Variants in EPHX2 observed in about 807,000 individuals in gnomAD.
EPHX2 encodes the protein epoxide hydrolase 2, also known as bifunctional epoxide hydrolase 2.
In EPHX2, 74 loss-of-function variants were observed where a neutral mutation model predicts 78.7. That is an observed-to-expected ratio of 0.94 (90% CI 0.78 to 1.14). The LOEUF (loss-of-function observed/expected upper bound fraction) is 1.14, where lower values mean the gene tolerates loss of function less well. Among genes scored for constraint, EPHX2 ranks in the 50% most tolerant of loss-of-function variants. The pLI is 0.00. For synonymous variants in EPHX2, 251 were observed against 255.2 expected (o/e 0.98, Z 0.16); for missense variants, 715 against 702.5 (o/e 1.02, Z -0.20).
At position 27,519,922 on chromosome 8, in the gene EPHX2, T is replaced by C. The variant is rs1317812151; in HGVS notation, c.946-961T>C. On this transcript the variant is annotated intron_variant, in intron 9 of 18. Coordinates refer to ENST00000521400, the MANE Select transcript of EPHX2 (RefSeq NM_001979.6). The stretch of plus-strand genomic sequence containing the variant: ...TGTTTCTCTGAGGCCTTTCCTGGGC[T>C]TGTAGATGCCACCTTCTTCCTGTGT... Among the ~76,000 whole-genome samples the C allele has an allele frequency of 5.3e-5, 8 of 152,110 alleles. No homozygotes were observed. In the South Asian group the frequency reaches 6.2e-4, roughly 12 times the overall value.
chr8:27,512,717 A>T (rs1179979685), intron 6 of EPHX2, among the ~76,000 whole-genome samples: 1 of 152,202 alleles, frequency 6.6e-6, no homozygotes, highest in African/African-American at 2.4e-5. Flanking sequence ...AAAAGGCCAG[A>T]CAGCTACTGT....
chr8:27,529,421 GA>G (rs1814957578), intron 12 of EPHX2, among the ~76,000 whole-genome samples: 4 of 152,130 alleles, frequency 2.6e-5, no homozygotes, highest in Admixed American at 2.6e-4. Flanking sequence ...TGGCCTGGGG[GA>G]TACTCACACC....
At chr8:27,526,019 C>T (rs572935129) in intron 12 of EPHX2, among the ~76,000 whole-genome samples, 103 of 152,332 alleles carry the variant, frequency 6.8e-4, no homozygotes, top group African/African-American at 2.5e-3. Flanking sequence ...CCTGGTGCCC[C>T]GCCTACAGCT....
chr8:27,538,707 T>C lies in EPHX2; in HGVS notation c.1276+15T>C. The C allele has an allele frequency of 6.2e-7, 1 of 1,613,202 alleles. No individual in the cohort carries two copies. Among genetic ancestry groups the C allele is most frequent in the Non-Finnish European group, 8.5e-7 (1 of 1,179,140 alleles). On this transcript the variant is annotated intron_variant, in intron 14 of 18. Transcript: ENST00000521400. ...CTGTGAAGCGGGTAAGAGACATGCTTGGGAGAGCCATATCTGGAACCAGCT... is the reference window on the plus strand; with the variant it reads ...CTGTGAAGCGGGTAAGAGACATGCTCGGGAGAGCCATATCTGGAACCAGCT...
At chr8:27,527,402 A>G (rs771232110) in intron 12 of EPHX2, among the ~76,000 whole-genome samples, 3 of 152,204 alleles carry the variant, frequency 2.0e-5, no homozygotes, top group Non-Finnish European at 4.4e-5. Flanking sequence ...ATGTAATGTA[A>G]AATTGACCAT....
rs1196584556 is a variant in EPHX2 at position 27,525,548 on chromosome 8, T to C, written c.1170+75T>C. On this transcript the variant is annotated intron_variant, in intron 12 of 18. Coordinates refer to ENST00000521400, the MANE Select transcript of EPHX2 (RefSeq NM_001979.6). ...CCCTTCCTGTCTCCTTCTTATTTGC[T>C]TTATCACTGTCCCCTTTAATTTTAT... The C allele has an allele frequency of 2.4e-6, 3 of 1,241,246 alleles. No homozygotes were observed. The Admixed American group carries it at 5.1e-5, about 21-fold the overall frequency. 76.9% of individuals were successfully genotyped at this position (1,241,246 alleles called of 1,614,324 possible).
chr8:27,526,334 C>T (rs1340650150), intron 12 of EPHX2, among the ~76,000 whole-genome samples: 3 of 152,242 alleles, frequency 2.0e-5, no homozygotes, highest in African/African-American at 7.2e-5. Context: ...AATAACTGGA[C>T]TCATTCACCA....
intron 14 of EPHX2, among the ~76,000 whole-genome samples, chr8:27,540,153 C>T (rs72477591): frequency 0.014 from 2,191 of 152,154 alleles, 51 homozygotes; most frequent in African/African-American, 0.05. Flanking sequence ...ATGAAAATTC[C>T]AAGAATCTCT....
In EPHX2 at chr8:27,501,020, C is replaced by T. The variant is rs766492336; in HGVS notation, c.186+10C>T. ...GATCACACTTTCCCAGGTGAGGGGA[C>T]ATCACCACACAGAGCCCTTTGGATG... On this transcript the variant is annotated intron_variant, in intron 2 of 18. Coordinates refer to ENST00000521400, the MANE Select transcript of EPHX2 (RefSeq NM_001979.6). 9.9e-6 allele frequency: 16 copies of T among 1,610,384 alleles called. No individual in the cohort carries two copies. Among genetic ancestry groups the T allele is most frequent in the Non-Finnish European group, 1.4e-5 (16 of 1,177,438 alleles).
chr8:27,500,538 C>A (rs1396026846), intron 1 of EPHX2, among the ~76,000 whole-genome samples: 2 of 152,158 alleles, frequency 1.3e-5, no homozygotes. Context: ...AAAACATATT[C>A]CATTCTTTTT....
intron 12 of EPHX2, among the ~76,000 whole-genome samples, chr8:27,529,185 C>T (rs868037664): frequency 6.6e-6 from 1 of 152,194 alleles, no homozygotes; most frequent in Admixed American, 6.5e-5. Flanking sequence ...TCTTTGAACC[C>T]TTAGCCAACG....
chr8:27,534,701 G>C (rs1189339238), intron 12 of EPHX2, among the ~76,000 whole-genome samples: 1 of 152,172 alleles, frequency 6.6e-6, no homozygotes, highest in Non-Finnish European at 1.5e-5. Flanking sequence ...GAGGACTGCA[G>C]GTCGCTGGAA....
At chr8:27,520,766 C>A in intron 9 of EPHX2, 117 bp from the exon 10 acceptor site, 1 of 1,219,634 alleles carries the variant, frequency 8.2e-7, no homozygotes, top group East Asian at 2.3e-5. Context: ...ATTCTGAGGC[C>A]CTGGGGGTTA....
downstream of EPHX2, among the ~76,000 whole-genome samples, chr8:27,547,799 A>G (rs1373824044): frequency 2.6e-5 from 4 of 152,130 alleles, no homozygotes; most frequent in Admixed American, 6.6e-5. Context: ...GAGTGAGAAC[A>G]TGTGGTGTTT....
At chr8:27,491,604 G>T (rs766089911) in intron 1 of EPHX2, among the ~76,000 whole-genome samples, 1 of 152,182 alleles carries the variant, frequency 6.6e-6, no homozygotes, top group African/African-American at 2.4e-5. Context: ...TGTCTAATGG[G>T]GTGGCGCTTA....
intron 15 of EPHX2, 143 bp downstream of exon 15, chr8:27,540,799 A>G (rs987912247): frequency 1.1e-5 from 8 of 710,382 alleles, no homozygotes; most frequent in Non-Finnish European, 1.7e-5. Flanking sequence ...CAATGCCTCC[A>G]GTGTCGGGAG....
intron 9 of EPHX2, among the ~76,000 whole-genome samples, chr8:27,520,613 G>A (rs1275101293): frequency 6.6e-6 from 1 of 152,126 alleles, no homozygotes; most frequent in Admixed American, 6.5e-5. Flanking sequence ...CCAAAGTGCT[G>A]GGATTACAGC....
chr8:27,514,213 G>C (rs1814366134), intron 6 of EPHX2, among the ~76,000 whole-genome samples: 1 of 152,060 alleles, frequency 6.6e-6, no homozygotes, highest in South Asian at 2.1e-4. Flanking sequence ...AGACTGAGGT[G>C]GGAGGATCGC....
intron 1 of EPHX2, 133 bp from the exon 2 acceptor site, chr8:27,500,793 C>T (rs1305443236): frequency 1.8e-5 from 14 of 764,568 alleles, no homozygotes; most frequent in East Asian, 7.9e-5. Context: ...ATTTGAACTG[C>T]GTTTGCATTT....
Sources: allele counts gnomAD v4.1 joint callset (sites outside exome capture counted in the v4.1 genomes callset), GRCh38; gene constraint gnomAD v4.1.1; transcripts MANE v1.5; gene names NCBI Gene and HGNC (gene_info 2026-07-23, HGNC 2026-07-21).